INPP5F: variants seen among roughly 807,000 people sequenced by gnomAD.
INPP5F encodes inositol polyphosphate-5-phosphatase F.
Under a neutral mutation model 137.2 loss-of-function variants are expected in INPP5F, and 97 were observed. The observed-to-expected ratio is 0.71, with a 90% CI of 0.60 to 0.84. INPP5F has a LOEUF of 0.84. Among genes scored for constraint, INPP5F ranks in the 40% least tolerant of loss-of-function variants. INPP5F has a pLI of 0.00. For synonymous variants in INPP5F, 504 were observed against 476.9 expected, an observed-to-expected ratio of 1.06 and a Z score of -0.74; for missense variants, 1,271 against 1,371.9, an observed-to-expected ratio of 0.93 and a Z score of 1.16.
intron 2 of INPP5F, among the ~76,000 whole-genome samples, chr10:119,780,250 T>G (rs910329222): frequency 6.6e-6 from 1 of 151,882 alleles, no homozygotes; most frequent in Admixed American, 6.6e-5. Context: ...GGTAGTACAC[T>G]CTAGGTATTC....
intron 1 of INPP5F, among the ~76,000 whole-genome samples, chr10:119,750,850 GT>G (rs1362272322): frequency 1.3e-5 from 2 of 152,140 alleles, no homozygotes; most frequent in African/African-American, 4.8e-5. Context: ...TTTTCTGAAT[GT>G]TACTGCTTTC....
rs369706760 is a variant in INPP5F at position 119,732,499 on chromosome 10, TC to T, written c.97+6141del. ...TTGAGCACTTTTCTTTTTTCTTTTT[TC>T]TTTTTTTTTTTTTTTTTGAGACGGA... On this transcript the variant is annotated intron_variant, in intron 1 of 19. Transcript: ENST00000650623. Among the ~76,000 whole-genome samples the T allele has an allele frequency of 6.6e-5, 8 of 120,468 alleles. No individual in the cohort carries two copies. The South Asian group carries it at 1.5e-3, about 22-fold the overall frequency. The allele number at this position is 120,468 out of a possible 152,430, so 79.0% of individuals were successfully genotyped here. A position where few individuals can be genotyped will look rare whatever the true frequency, so the allele number is the denominator to read the frequency against.
Position 119,814,874 on chromosome 10 carries a change from T to TG in INPP5F, c.1886+2920dup, listed in dbSNP as rs1323693535. Among the ~76,000 whole-genome samples, 8 of 152,124 alleles carry TG rather than the reference T, an allele frequency of 5.3e-5. No homozygotes were observed. In the East Asian group the frequency reaches 1.5e-3, roughly 29 times the overall value. ...TGTTTCTTGTTTCTTCTACTTTTTT[T>TG]GTTTTTTTTTGGACAGCGTCTCGCT... On this transcript the variant is annotated intron_variant, in intron 15 of 19. Coordinates refer to ENST00000650623, the MANE Select transcript of INPP5F (RefSeq NM_014937.4).
intron 1 of INPP5F, among the ~76,000 whole-genome samples, chr10:119,733,665 G>A (rs1409759843): frequency 6.6e-6 from 1 of 152,192 alleles, no homozygotes; most frequent in Non-Finnish European, 1.5e-5. Flanking sequence ...TTTTGGCCAG[G>A]CCCTGGCCAG....
intron 19 of INPP5F, among the ~76,000 whole-genome samples, 193 bp from the exon 20 acceptor site, chr10:119,826,438 T>A (rs1589762228): frequency 6.6e-6 from 1 of 152,252 alleles, no homozygotes; most frequent in South Asian, 2.1e-4. Context: ...ATTGTAATTA[T>A]GCATGTATTT....
At position 119,726,163 on chromosome 10, in the gene INPP5F, C is replaced by T. The variant is rs1847876769; in HGVS notation, c.-100C>T. The T allele has an allele frequency of 1.5e-6, 1 of 681,824 alleles. No individual in the cohort carries two copies. Among genetic ancestry groups the T allele is most frequent in the Non-Finnish European group, 2.1e-6 (1 of 474,964 alleles). The allele number at this position is 681,824 out of a possible 1,614,324, so 42.2% of individuals were successfully genotyped here. On this transcript the variant is annotated 5_prime_UTR_variant, in exon 1 of 20. Transcript: ENST00000650623. ...CGCTGCTTCTCGGCGCGGTTCCTACCCGGCCGCTCCCCGAGGCGCGGGCTC... is the reference window on the plus strand; with the variant it reads ...CGCTGCTTCTCGGCGCGGTTCCTACTCGGCCGCTCCCCGAGGCGCGGGCTC...
At chr10:119,806,313 C>T in intron 11 of INPP5F, 47 bp from the exon 12 acceptor site, 1 of 1,340,654 alleles carries the variant, frequency 7.5e-7, no homozygotes, top group Non-Finnish European at 1.0e-6. Context: ...CTTTTGAAAA[C>T]CCTATTATTT....
In INPP5F at chr10:119,804,218, G is replaced by A; in HGVS notation, c.1162G>A (p.Gly388Ser). Residue 388 changes from glycine to serine, a missense_variant, in exon 10 of 20, where the codon GGC (glycine) becomes AGC (serine). Coordinates refer to ENST00000650623, the MANE Select transcript of INPP5F (RefSeq NM_014937.4). ...CCAGGCAGGAAGAGAGAAGATTATT[G>A]GCGATGCTTACCTGAAGCAAGTGTT... ...VDQAGREKIIGDAYLKQVLLF... is the reference protein window; with the variant it reads ...VDQAGREKIISDAYLKQVLLF... The A allele has an allele frequency of 6.2e-7, 1 of 1,611,144 alleles. No homozygotes were observed. Among genetic ancestry groups the A allele is most frequent in the Non-Finnish European group, 8.5e-7 (1 of 1,177,824 alleles).
In INPP5F at chr10:119,821,967, C is replaced by A. The variant is rs1589758096; in HGVS notation, c.1959-464C>A. Among the ~76,000 whole-genome samples the A allele has an allele frequency of 3.5e-5, 5 of 142,322 alleles. No individual in the cohort carries two copies. In the Admixed American group the frequency reaches 3.6e-4, roughly 10 times the overall value. 93.4% of individuals were successfully genotyped at this position (142,322 alleles called of 152,430 possible). ...CACTGCAACCTCCGCCTCTCGGGTT[C>A]AAGTGATTCTCCTCCTGGGTTCAAG... On this transcript the variant is annotated intron_variant, in intron 16 of 19. Transcript: ENST00000650623.
intron 3 of INPP5F, 34 bp downstream of exon 3, chr10:119,781,805 T>G: frequency 5.2e-6 from 8 of 1,523,888 alleles, no homozygotes; most frequent in Non-Finnish European, 7.2e-6. Context: ...TATGGAAACC[T>G]GATATAAATG....
chr10:119,796,640 T>C (rs1007256137), intron 6 of INPP5F, 75 bp from the exon 7 acceptor site: 16 of 1,079,606 alleles, frequency 1.5e-5, no homozygotes, highest in Non-Finnish European at 1.7e-5. Flanking sequence ...AAATATGTGC[T>C]GACTACTGTT....
chr10:119,790,262 TCTCTC>T (rs1850093863), intron 3 of INPP5F, among the ~76,000 whole-genome samples: 1 of 152,094 alleles, frequency 6.6e-6, no homozygotes, highest in African/African-American at 2.4e-5. Flanking sequence ...GGTTCTGTCT[TCTCTC>T]CTTCCGTGTC....
At chr10:119,798,947 A>G (rs1204898077) in intron 9 of INPP5F, among the ~76,000 whole-genome samples, 1 of 151,916 alleles carries the variant, frequency 6.6e-6, no homozygotes, top group African/African-American at 2.4e-5. Context: ...GCTACTTTAG[A>G]CTGTGTTTGG....
At position 119,827,682 on chromosome 10, in the gene INPP5F, C is replaced by A; in HGVS notation, c.3301C>A (p.Gln1101Lys). Residue 1101 changes from glutamine (Q) to lysine (K), a missense_variant, in exon 20 of 20, where the codon CAG (glutamine) becomes AAG (lysine). Coordinates refer to ENST00000650623, the MANE Select transcript of INPP5F (RefSeq NM_014937.4). ...HGINFAVSKVQKSPPEPEIIN... is the reference protein window; with the variant it reads ...HGINFAVSKVKKSPPEPEIIN... ...GATAAACTTTGCAGTGTCAAAAGTT[C>A]AGAAGAGTCCTCCAGAACCTGAAAT... is the stretch of plus-strand genomic sequence containing the variant. The A allele has an allele frequency of 6.2e-7, 1 of 1,613,998 alleles. No homozygotes were observed. The highest frequency in any genetic ancestry group is 8.5e-7 in the Non-Finnish European group (1 of 1,179,890).
chr10:119,765,115 G>T (rs1025089623), intron 2 of INPP5F, among the ~76,000 whole-genome samples: 1 of 151,376 alleles, frequency 6.6e-6, no homozygotes, highest in Non-Finnish European at 1.5e-5. Context: ...TGTGTTTTTC[G>T]TAGAGATGGG....
intron 19 of INPP5F, chr10:119,825,936 T>A (rs1293137671): frequency 5.0e-6 from 2 of 398,430 alleles, no homozygotes; most frequent in Non-Finnish European, 8.8e-6. Context: ...CATCAACTTT[T>A]CTTTCTTATT....
chr10:119,785,011 T>C (rs1489300252), intron 3 of INPP5F, among the ~76,000 whole-genome samples: 1 of 152,232 alleles, frequency 6.6e-6, no homozygotes, highest in South Asian at 2.1e-4. Context: ...CTTTTAAGGT[T>C]CATGCCAGTT....
rs1414187024 is a variant in INPP5F at position 119,787,449 on chromosome 10, A to G, written c.316-4068A>G. 6.6e-6 allele frequency among the ~76,000 whole-genome samples: 1 copy of G among 152,054 alleles called. No homozygotes were observed. The highest frequency in any genetic ancestry group is 2.4e-5 in the African/African-American group (1 of 41,384). On this transcript the variant is annotated intron_variant, in intron 3 of 19. Coordinates refer to ENST00000650623, the MANE Select transcript of INPP5F (RefSeq NM_014937.4). This position sits in a 1 kb window ranked among gnomAD's most constrained non-coding sequence, Gnocchi z 4.1. ...AAAATACAAAACTTAGCCAGGCATG[A>G]TGGCATGTGCCTCAGCTACTCGGGA...
At chr10:119,778,907 A>C (rs1849610766) in intron 2 of INPP5F, among the ~76,000 whole-genome samples, 1 of 152,132 alleles carries the variant, frequency 6.6e-6, no homozygotes, top group Non-Finnish European at 1.5e-5. Flanking sequence ...GATATGTGAA[A>C]CATTACCGTT....
Sources: gnomAD v4.1 joint callset for allele counts (sites outside exome capture counted in the v4.1 genomes callset) on GRCh38, gnomAD v4.1.1 for gene constraint, Gnocchi (gnomAD v3.1) non-coding constraint, MANE v1.5 for transcripts, NCBI Gene and HGNC (gene_info 2026-07-23, HGNC 2026-07-21) for gene names.